CD47: variants seen among roughly 807,000 people sequenced by gnomAD.
CD47 encodes the protein CD47 molecule.
In CD47, 11 loss-of-function variants were observed where a neutral mutation model predicts 44.6. The observed-to-expected ratio is 0.25, with a 90% CI of 0.16 to 0.41. CD47 has a LOEUF of 0.41. Among genes scored for constraint, CD47 ranks in the 10% least tolerant of loss-of-function variants. The pLI, the probability that CD47 is intolerant of heterozygous loss-of-function variation, is 1.00. For missense variants in CD47, 306 were observed against 386.7 expected, an observed-to-expected ratio of 0.79 and a Z score of 1.75; for synonymous variants, 140 against 136.3, an observed-to-expected ratio of 1.03 and a Z score of -0.19.
At chr3:108,065,073 T>C (rs907412004) in intron 3 of CD47, among the ~76,000 whole-genome samples, 1 of 152,234 alleles carries the variant, frequency 6.6e-6, no homozygotes, top group Non-Finnish European at 1.5e-5. Context: ...ATAAAATTAC[T>C]TGACAGAAGA....
chr3:108,066,774 C>T (rs2079111863), intron 3 of CD47, among the ~76,000 whole-genome samples: 1 of 152,138 alleles, frequency 6.6e-6, no homozygotes, highest in Admixed American at 6.5e-5. Flanking sequence ...CGAATGTCGA[C>T]ATTACTGCAA....
intron 4 of CD47, 40 bp from the exon 5 acceptor site, chr3:108,059,584 AC>A: frequency 1.9e-6 from 2 of 1,066,190 alleles, no homozygotes; most frequent in Non-Finnish European, 2.7e-6. Context: ...TTTCCTACAT[AC>A]TTTTTAAATG....
intron 3 of CD47, 55 bp downstream of exon 3, chr3:108,071,038 T>C (rs951685321): frequency 6.6e-6 from 5 of 754,318 alleles, no homozygotes; most frequent in Admixed American, 3.3e-5. Context: ...CAATGTCTCG[T>C]AGAAATAACT....
intron 1 of CD47, among the ~76,000 whole-genome samples, chr3:108,086,944 G>A (rs189313193): frequency 7.2e-5 from 11 of 152,242 alleles, no homozygotes; most frequent in South Asian, 2.1e-4. Flanking sequence ...GCTGGATGAC[G>A]GAAGAGAATG....
chr3:108,048,097 A>T (rs2078750874), intron 10 of CD47, among the ~76,000 whole-genome samples: 1 of 152,164 alleles, frequency 6.6e-6, no homozygotes, highest in African/African-American at 2.4e-5. Context: ...TGTAAACATG[A>T]ACAAACCATG....
At chr3:108,058,253 A>T (rs891837331) in intron 6 of CD47, 84 bp downstream of exon 6, 4 of 791,896 alleles carry the variant, frequency 5.1e-6, no homozygotes, top group African/African-American at 1.8e-5. Context: ...ATATATTTTT[A>T]AAAAGAGAGA....
intron 1 of CD47, among the ~76,000 whole-genome samples, chr3:108,087,719 C>T (rs752651236): frequency 1.3e-5 from 2 of 152,152 alleles, no homozygotes; most frequent in Non-Finnish European, 2.9e-5. Flanking sequence ...ATTAATTCTC[C>T]TAATCTGAAT....
chr3:108,085,682 C>A (rs1450293057), intron 1 of CD47, among the ~76,000 whole-genome samples: 2 of 152,116 alleles, frequency 1.3e-5, no homozygotes, highest in African/African-American at 4.8e-5. Flanking sequence ...TCTCTCCAGG[C>A]TCAGAAAGTA....
At chr3:108,071,287 A>T in intron 2 of CD47, 105 bp from the exon 3 acceptor site, 1 of 561,208 alleles carries the variant, frequency 1.8e-6, no homozygotes, top group South Asian at 2.8e-5. Context: ...GAAAAAAATT[A>T]AAACTGTGGC....
At position 108,044,100 on chromosome 3, in the gene CD47, T is replaced by C. The variant is rs2078674171; in HGVS notation, c.*3188A>G. On this transcript the variant is annotated 3_prime_UTR_variant, in exon 11 of 11. Coordinates refer to ENST00000361309, the MANE Select transcript of CD47 (RefSeq NM_001777.4). The stretch of plus-strand genomic sequence containing the variant: ...GTAAATTAAGGAGTATGTGTTTCCA[T>C]ACATACACCACAGATCCCCATTTTT... The C allele has an allele frequency of 6.6e-6, 1 of 152,662 alleles. No homozygotes were observed. The highest frequency in any genetic ancestry group is 1.5e-5 in the Non-Finnish European group (1 of 68,042). The allele number at this position is 152,662 out of a possible 1,614,324, so 9.5% of individuals were successfully genotyped here. A position where few individuals can be genotyped will look rare whatever the true frequency, so the allele number is the denominator to read the frequency against.
At chr3:108,066,052 C>G (rs900785065) in intron 3 of CD47, among the ~76,000 whole-genome samples, 1 of 151,962 alleles carries the variant, frequency 6.6e-6, no homozygotes, top group South Asian at 2.1e-4. Context: ...TTTAAATATG[C>G]TTTCATGGCT....
intron 3 of CD47, among the ~76,000 whole-genome samples, chr3:108,069,339 A>G (rs1172941877): frequency 6.6e-6 from 1 of 152,154 alleles, no homozygotes; most frequent in African/African-American, 2.4e-5. Context: ...AGATTTCTGA[A>G]GACATGGGGG....
At chr3:108,069,515 T>G (rs1200108463) in intron 3 of CD47, among the ~76,000 whole-genome samples, 2 of 151,408 alleles carry the variant, frequency 1.3e-5, no homozygotes, top group African/African-American at 2.4e-5. Flanking sequence ...AGATGAGTTT[T>G]TTTTTTTTTT....
At chr3:108,049,957 G>A (rs1250488182) in intron 9 of CD47, among the ~76,000 whole-genome samples, 1 of 152,092 alleles carries the variant, frequency 6.6e-6, no homozygotes, top group Non-Finnish European at 1.5e-5. Flanking sequence ...GGAAGTAATT[G>A]GGATCCTTCT....
At chr3:108,088,560 GC>G (rs1317561103) in intron 1 of CD47, among the ~76,000 whole-genome samples, 2 of 151,426 alleles carry the variant, frequency 1.3e-5, no homozygotes, top group Non-Finnish European at 2.9e-5. Context: ...ATTTAAACAA[GC>G]CAAATTACTA....
At chr3:108,057,263 A>T (rs1444498081) in intron 7 of CD47, among the ~76,000 whole-genome samples, 2 of 152,130 alleles carry the variant, frequency 1.3e-5, no homozygotes, top group Non-Finnish European at 2.9e-5. Flanking sequence ...ATTACCCTCA[A>T]ATCATTCCAA....
At chr3:108,082,683 T>A (rs1321126780) in intron 1 of CD47, among the ~76,000 whole-genome samples, 1 of 151,978 alleles carries the variant, frequency 6.6e-6, no homozygotes, top group Non-Finnish European at 1.5e-5. Context: ...ATTAAGTAAG[T>A]AAGAAGTAGT....
chr3:108,072,657 GA>G (rs1202781161), intron 2 of CD47, among the ~76,000 whole-genome samples: 1 of 152,160 alleles, frequency 6.6e-6, no homozygotes, highest in East Asian at 1.9e-4. Context: ...CTGTATAACT[GA>G]ATATCTTCTT....
At chr3:108,059,955 C>G (rs1000096947) in intron 4 of CD47, among the ~76,000 whole-genome samples, 3 of 152,188 alleles carry the variant, frequency 2.0e-5, no homozygotes, top group Non-Finnish European at 4.4e-5. Flanking sequence ...GCCCATGTTC[C>G]TAAATATTAC....
Sources: gnomAD v4.1 joint callset for allele counts (sites outside exome capture counted in the v4.1 genomes callset) on GRCh38, gnomAD v4.1.1 for gene constraint, MANE v1.5 for transcripts, NCBI Gene and HGNC (gene_info 2026-07-23, HGNC 2026-07-21) for gene names.